CEP85L: variants seen among roughly 807,000 people sequenced by gnomAD.
The protein encoded by CEP85L is centrosomal protein of 85 kDa-like.
CEP85L carries 60 observed loss-of-function variants against 100.3 expected under a neutral mutation model. That is an observed-to-expected ratio of 0.60 (90% CI 0.49 to 0.74). The LOEUF is 0.74. CEP85L is among the 30% of genes least tolerant of loss of function. The probability of loss-of-function intolerance (pLI) is 0.00; values close to 1 mark genes in which losing one functional copy is unlikely to be tolerated. For missense variants in CEP85L, 973 were observed against 936.2 expected, an observed-to-expected ratio of 1.04 and a Z score of -0.51; for synonymous variants, 319 against 322.7, an observed-to-expected ratio of 0.99 and a Z score of 0.12.
chr6:118,633,792 AC>A (rs1246045339), intron 1 of CEP85L, among the ~76,000 whole-genome samples: 1 of 152,212 alleles, frequency 6.6e-6, no homozygotes, highest in East Asian at 1.9e-4. Flanking sequence ...TTTACATAAA[AC>A]CTGTAGAAGC....
intron 11 of CEP85L, among the ~76,000 whole-genome samples, chr6:118,469,601 G>T (rs544956026): frequency 1.3e-5 from 2 of 152,150 alleles, no homozygotes; most frequent in African/African-American, 4.8e-5. Flanking sequence ...CATGTTGGTT[G>T]TGTATGTATT....
intron 1 of CEP85L, among the ~76,000 whole-genome samples, chr6:118,694,533 C>T (rs1413458313): frequency 1.3e-5 from 2 of 152,138 alleles, no homozygotes; most frequent in East Asian, 1.9e-4. Flanking sequence ...ATTACCTTAA[C>T]TGATTTTTTA....
chr6:118,667,350 C>A lies in CEP85L; in HGVS notation c.-27-14542G>T, dbSNP rs1776165276. Among the ~76,000 whole-genome samples the A allele has an allele frequency of 2.6e-5, 4 of 152,180 alleles. No homozygotes were observed. In the South Asian group the frequency reaches 8.3e-4, roughly 32 times the overall value. On this transcript the variant is annotated intron_variant, in intron 1 of 13. Transcript: ENST00000368488. ...TAAGTGCTGCTCTAAGGTTTGATTTCCTGAGTGGACAAGACTATCAAGGCA... is the reference window on the plus strand; with the variant it reads ...TAAGTGCTGCTCTAAGGTTTGATTTACTGAGTGGACAAGACTATCAAGGCA...
intron 1 of CEP85L, 42 bp from the exon 2 acceptor site, chr6:118,632,653 T>G (rs1231039403): frequency 6.5e-7 from 1 of 1,532,002 alleles, no homozygotes; most frequent in Non-Finnish European, 8.8e-7. Context: ...TATATCTGAG[T>G]AGGCAGAAGA....
intron 1 of CEP85L, among the ~76,000 whole-genome samples, chr6:118,693,220 C>G (rs553679760): frequency 2.3e-4 from 35 of 152,352 alleles, no homozygotes; most frequent in Non-Finnish European, 4.3e-4. Context: ...GCTAGCACCA[C>G]AGCTTTATGG....
At position 118,632,433 on chromosome 6, in the gene CEP85L, CAAT is replaced by C. The variant is rs760180479; in HGVS notation, c.232+17_232+19del. 7.0e-6 allele frequency: 11 copies of C among 1,568,146 alleles called. No individual in the cohort carries two copies. Among genetic ancestry groups the C allele is most frequent in the Middle Eastern group, 1.7e-4 (1 of 5,920 alleles). ...CACTCTTCAAAGATTCATATATAAACAATAAGAATTTTAGCTCACCTTCCACGC... is the reference window on the plus strand; with the variant it reads ...CACTCTTCAAAGATTCATATATAAACAAGAATTTTAGCTCACCTTCCACGC... On this transcript the variant is annotated intron_variant, in intron 2 of 12. Transcript: ENST00000368491.
chr6:118,543,762 T>C (rs944534645), intron 3 of CEP85L, among the ~76,000 whole-genome samples: 15 of 152,206 alleles, frequency 9.9e-5, no homozygotes, highest in African/African-American at 3.1e-4. Context: ...CGATGTTTTA[T>C]GTAATTCTGT....
At chr6:118,638,526 T>G (rs1259971857) in intron 1 of CEP85L, among the ~76,000 whole-genome samples, 1 of 150,106 alleles carries the variant, frequency 6.7e-6, no homozygotes, top group African/African-American at 2.5e-5. Flanking sequence ...CACAGAATAG[T>G]TACAAGACTA....
At chr6:118,484,627 C>T (rs1269257989) in intron 6 of CEP85L, among the ~76,000 whole-genome samples, 1 of 151,994 alleles carries the variant, frequency 6.6e-6, no homozygotes, top group East Asian at 1.9e-4. Flanking sequence ...CCCAGACAGG[C>T]ACAGAAAAAA....
intron 5 of CEP85L, among the ~76,000 whole-genome samples, chr6:118,505,102 G>A (rs1301549270): frequency 6.6e-6 from 1 of 151,904 alleles, no homozygotes; most frequent in Non-Finnish European, 1.5e-5. Context: ...TTTGTAGTCA[G>A]CCTAAAACTG....
At chr6:118,649,410 C>T (rs1004399496) in intron 1 of CEP85L, among the ~76,000 whole-genome samples, 1 of 152,180 alleles carries the variant, frequency 6.6e-6, no homozygotes, top group Non-Finnish European at 1.5e-5. Context: ...GAGGCTGCAA[C>T]ATAACAAAGT....
chr6:118,504,992 GC>G (rs1035333804), intron 5 of CEP85L, among the ~76,000 whole-genome samples: 19 of 152,048 alleles, frequency 1.2e-4, no homozygotes, highest in African/African-American at 4.6e-4. Flanking sequence ...ACTCATAATT[GC>G]CAAAACTTGG....
chr6:118,505,796 T>G (rs999433059), intron 5 of CEP85L, among the ~76,000 whole-genome samples: 2 of 152,188 alleles, frequency 1.3e-5, no homozygotes, highest in African/African-American at 4.8e-5. Flanking sequence ...CTCTGCATGA[T>G]ACGATAATGG....
chr6:118,546,101 T>A (rs1778186615), intron 3 of CEP85L, among the ~76,000 whole-genome samples: 1 of 152,088 alleles, frequency 6.6e-6, no homozygotes, highest in South Asian at 2.1e-4. Context: ...TTTGGGCAAT[T>A]AAAAACAATG....
In CEP85L at chr6:118,460,821, C is replaced by G. The variant is rs960982487; in HGVS notation, c.*4584G>C. The G allele has an allele frequency of 1.3e-5, 2 of 152,088 alleles. No individual in the cohort carries two copies. Among genetic ancestry groups the G allele is most frequent in the African/African-American group, 4.8e-5 (2 of 41,414 alleles). The allele number at this position is 152,088 out of a possible 1,614,324, so 9.4% of individuals were successfully genotyped here. ...CTGTAAATACAAATTCCAACATCAA[C>G]AAACAATAGTCCAGTGGAAAAATAC... is the stretch of plus-strand genomic sequence containing the variant. On this transcript the variant is annotated 3_prime_UTR_variant, in exon 13 of 13. Coordinates refer to ENST00000368491, the MANE Select transcript of CEP85L (RefSeq NM_001042475.3).
intron 1 of CEP85L, among the ~76,000 whole-genome samples, chr6:118,665,583 G>A (rs1050757236): frequency 6.6e-6 from 1 of 151,822 alleles, no homozygotes; most frequent in Non-Finnish European, 1.5e-5. Flanking sequence ...GGTCTCAAAT[G>A]CCTGGGCTCA....
intron 2 of CEP85L, chr6:118,589,481 C>T (rs780707661): frequency 7.8e-5 from 20 of 257,296 alleles, no homozygotes; most frequent in Non-Finnish European, 1.7e-5. Flanking sequence ...CAATGGGAAA[C>T]AGCTGTGTCC....
At chr6:118,649,036 C>T (rs545724762) in intron 1 of CEP85L, among the ~76,000 whole-genome samples, 4 of 152,250 alleles carry the variant, frequency 2.6e-5, no homozygotes, top group East Asian at 1.9e-4. Flanking sequence ...AAGGTCCCTA[C>T]ATGAATCAAC....
intron 1 of CEP85L, among the ~76,000 whole-genome samples, chr6:118,642,455 ATAAAG>A (rs1774938994): frequency 6.6e-6 from 1 of 152,258 alleles, no homozygotes; most frequent in Admixed American, 6.5e-5. Flanking sequence ...AGAATCAAGA[ATAAAG>A]TAAGATCAGA....
Sources: gnomAD v4.1 joint callset for allele counts (sites outside exome capture counted in the v4.1 genomes callset) on GRCh38, gnomAD v4.1.1 for gene constraint, MANE v1.5 for transcripts, NCBI Gene and HGNC (gene_info 2026-07-23, HGNC 2026-07-21) for gene names.